The following LRRC37A2 variants were observed in gnomAD, a reference collection of about 807,000 sequenced individuals.
The protein encoded by LRRC37A2 is leucine rich repeat containing 37 member A2.
A neutral mutation model predicts 68.8 loss-of-function variants in LRRC37A2; 9 were observed. The ratio of observed to expected loss-of-function variants is 0.13; its 90% CI spans 0.08 to 0.23. The LOEUF is 0.23. Among genes scored for constraint, LRRC37A2 ranks in the 10% least tolerant of loss-of-function variants. The pLI is 1.00. For missense variants in LRRC37A2, 168 were observed against 950.4 expected, an observed-to-expected ratio of 0.18 and a Z score of 10.82; for synonymous variants, 63 against 367.6, an observed-to-expected ratio of 0.17 and a Z score of 9.48.
chr17:46,887,728 C>A, the LRRC37A2 span, among the ~76,000 whole-genome samples: 1 of 152,088 alleles, frequency 6.6e-6, no homozygotes, highest in Non-Finnish European at 1.5e-5. Context: ...CACTCCACTG[C>A]ACTCCAGCCT....
the LRRC37A2 span, chr17:47,019,575 A>G: frequency 6.1e-5 from 90 of 1,471,972 alleles, 1 homozygote; most frequent in South Asian, 3.8e-4. Flanking sequence ...AGGTCCACCT[A>G]CTGTGCTAGA....
At chr17:46,875,447 C>T in the LRRC37A2 span, 1 of 1,457,410 alleles carries the variant, frequency 6.9e-7, no homozygotes, top group Non-Finnish European at 9.1e-7. Context: ...AGGCCAGCAC[C>T]CCACTCCCCA....
At chr17:46,816,843 C>T in the LRRC37A2 span, among the ~76,000 whole-genome samples, 2 of 152,202 alleles carry the variant, frequency 1.3e-5, no homozygotes, top group Admixed American at 1.3e-4. Context: ...AGGCGAAAAA[C>T]GGCATGGCCT....
the LRRC37A2 span, chr17:46,726,482 A>G: frequency 6.9e-7 from 1 of 1,439,936 alleles, no homozygotes; most frequent in African/African-American, 1.4e-5. Flanking sequence ...AGAAGTAACT[A>G]AACTTCTTGG....
At chr17:46,713,684 T>G in the LRRC37A2 span, among the ~76,000 whole-genome samples, 12 of 152,366 alleles carry the variant, frequency 7.9e-5, no homozygotes, top group Non-Finnish European at 1.5e-5. Flanking sequence ...TCATTAAGTT[T>G]AGTTGCTAAT....
At chr17:46,807,855 C>T in the LRRC37A2 span, among the ~76,000 whole-genome samples, 1 of 152,126 alleles carries the variant, frequency 6.6e-6, no homozygotes, top group Non-Finnish European at 1.5e-5. Context: ...TTTCTCATAG[C>T]CAGGACATAA....
At chr17:46,900,168 C>CAT in the LRRC37A2 span, among the ~76,000 whole-genome samples, 846 of 63,956 alleles carry the variant, frequency 0.013, 4 homozygotes, top group East Asian at 0.043. Flanking sequence ...TATACATATA[C>CAT]ATATATATAT....
chr17:46,774,791 C>T, the LRRC37A2 span, among the ~76,000 whole-genome samples: 8 of 152,308 alleles, frequency 5.3e-5, no homozygotes, highest in South Asian at 6.2e-4. Flanking sequence ...GTAGGAATTA[C>T]GACTTTTCCG....
chr17:46,497,248 A>G, the LRRC37A2 span, among the ~76,000 whole-genome samples: 1 of 140,270 alleles, frequency 7.1e-6, no homozygotes, highest in African/African-American at 2.9e-5. Flanking sequence ...TTTAAATGTA[A>G]TCTGACAGCG....
the LRRC37A2 span, among the ~76,000 whole-genome samples, chr17:46,724,700 T>G: frequency 6.6e-6 from 1 of 152,258 alleles, no homozygotes; most frequent in Non-Finnish European, 1.5e-5. Context: ...TAGGATTATT[T>G]TTGTCTTATT....
the LRRC37A2 span, among the ~76,000 whole-genome samples, chr17:46,889,890 G>T: frequency 1.3e-5 from 2 of 152,160 alleles, no homozygotes; most frequent in African/African-American, 4.8e-5. Flanking sequence ...GTAAAATGAG[G>T]ATCGAGATAC....
chr17:46,992,823 AG>A, the LRRC37A2 span, among the ~76,000 whole-genome samples: 5 of 130,444 alleles, frequency 3.8e-5, no homozygotes, highest in African/African-American at 1.4e-4. Context: ...ATTGCACTCC[AG>A]CCTGGGAGAC....
At chr17:46,938,867 C>T in the LRRC37A2 span, 13 of 1,581,524 alleles carry the variant, frequency 8.2e-6, no homozygotes, top group Non-Finnish European at 1.1e-5. Context: ...GTTTGCCTGT[C>T]TGAACTGTGA....
the LRRC37A2 span, among the ~76,000 whole-genome samples, chr17:46,824,491 C>T: frequency 1.3e-5 from 2 of 152,250 alleles, no homozygotes; most frequent in African/African-American, 2.4e-5. Flanking sequence ...TCAGGTGGTA[C>T]GCCCGCCTTG....
the LRRC37A2 span, among the ~76,000 whole-genome samples, chr17:46,592,972 G>GGTAAAATTT: frequency 7.5e-6 from 1 of 134,122 alleles, no homozygotes. Context: ...CCTATCCCCC[G>GGTAAAATTT]GTAAAATTTG....
At chr17:46,865,442 C>G in the LRRC37A2 span, among the ~76,000 whole-genome samples, 1 of 151,956 alleles carries the variant, frequency 6.6e-6, no homozygotes, top group African/African-American at 2.4e-5. Flanking sequence ...GGGGTGGGCT[C>G]CAGCGGGGAA....
chr17:46,606,035 C>T, the LRRC37A2 span, among the ~76,000 whole-genome samples: 2 of 94,482 alleles, frequency 2.1e-5, no homozygotes, highest in Non-Finnish European at 1.9e-5. Flanking sequence ...AAAAATTAGC[C>T]GGGTGTGGTG....
At chr17:46,919,459 G>A in the LRRC37A2 span, among the ~76,000 whole-genome samples, 4 of 152,140 alleles carry the variant, frequency 2.6e-5, no homozygotes, top group African/African-American at 9.7e-5. Flanking sequence ...AGGCAGAAGG[G>A]AGATCTTCTG....
At chr17:46,902,161 G>A in the LRRC37A2 span, among the ~76,000 whole-genome samples, 1 of 152,170 alleles carries the variant, frequency 6.6e-6, no homozygotes, top group Non-Finnish European at 1.5e-5. Flanking sequence ...ACCCAATGAG[G>A]TGAGCAGCCT....
Sources: allele counts gnomAD v4.1 joint callset (sites outside exome capture counted in the v4.1 genomes callset), GRCh38; gene constraint gnomAD v4.1.1; transcripts MANE v1.5; gene names NCBI Gene and HGNC (gene_info 2026-07-23, HGNC 2026-07-21).